SLC6A11: variants seen among roughly 807,000 people sequenced by gnomAD.
The protein encoded by SLC6A11 is solute carrier family 6 member 11.
In SLC6A11, 25 loss-of-function variants were observed where a neutral mutation model predicts 74.8. The observed-to-expected ratio is 0.33, with a 90% CI of 0.24 to 0.47. SLC6A11 has a LOEUF of 0.47. Ranked by LOEUF, SLC6A11 falls within the 20% of genes least tolerant of loss-of-function variation. SLC6A11 has a pLI of 1.00. For synonymous variants in SLC6A11, 330 were observed against 330.2 expected, an observed-to-expected ratio of 1.00 and a Z score of 0.01; for missense variants, 574 against 837.0, an observed-to-expected ratio of 0.69 and a Z score of 3.88.
chr3:10,818,136 T>G (rs1049950034), intron 1 of SLC6A11, among the ~76,000 whole-genome samples: 2 of 152,028 alleles, frequency 1.3e-5, no homozygotes, highest in Non-Finnish European at 2.9e-5. Flanking sequence ...CATTTTTTTT[T>G]TCTGACTAGC....
chr3:10,888,631 A>G (rs947856691), intron 6 of SLC6A11, among the ~76,000 whole-genome samples: 2 of 152,246 alleles, frequency 1.3e-5, no homozygotes, highest in African/African-American at 4.8e-5. Context: ...CAGTGAGAGT[A>G]CAGGGATGAA....
At chr3:10,877,702 T>C (rs1325090548) in intron 6 of SLC6A11, among the ~76,000 whole-genome samples, 1 of 152,142 alleles carries the variant, frequency 6.6e-6, no homozygotes, top group Admixed American at 6.5e-5. Flanking sequence ...ACCGTGTCAA[T>C]TAGTACCACA....
chr3:10,855,909 C>T (rs1694633813), intron 5 of SLC6A11, among the ~76,000 whole-genome samples: 1 of 152,170 alleles, frequency 6.6e-6, no homozygotes, highest in Non-Finnish European at 1.5e-5. Context: ...TTCCTCTTTG[C>T]CTATGTTGAT....
At position 10,818,277 on chromosome 3, in the gene SLC6A11, C is replaced by T. The variant is rs114659622; in HGVS notation, c.257-1188C>T. ...CATACGTTAGATTCTAGAGGTTTCA[C>T]AGGTAAATAACAGCATGTTAGGGGA... is the stretch of plus-strand genomic sequence containing the variant. On this transcript the variant is annotated intron_variant, in intron 1 of 13. Transcript: ENST00000254488. Among the ~76,000 whole-genome samples the T allele has an allele frequency of 9.1e-3, 1,378 of 152,234 alleles. 11 individuals are homozygous for T. Among genetic ancestry groups the T allele is most frequent in the Middle Eastern group, 0.017 (5 of 294 alleles).
intron 11 of SLC6A11, 124 bp from the exon 12 acceptor site, chr3:10,933,942 A>G: frequency 1.5e-6 from 1 of 666,096 alleles, no homozygotes; most frequent in Non-Finnish European, 2.7e-6. Context: ...TAAGCAGTAC[A>G]AAGATTCCTG....
At chr3:10,893,315 C>A (rs1408192228) in intron 6 of SLC6A11, among the ~76,000 whole-genome samples, 1 of 152,190 alleles carries the variant, frequency 6.6e-6, no homozygotes, top group Non-Finnish European at 1.5e-5. Flanking sequence ...ACTTGCTCCC[C>A]TTTCTCTCTT....
At chr3:10,829,192 G>A (rs1206501598) in intron 4 of SLC6A11, among the ~76,000 whole-genome samples, 1 of 152,222 alleles carries the variant, frequency 6.6e-6, no homozygotes, top group Non-Finnish European at 1.5e-5. Flanking sequence ...TATGTGAAAT[G>A]GGGTTAACCC....
intron 3 of SLC6A11, among the ~76,000 whole-genome samples, chr3:10,821,632 A>G (rs556747601): frequency 5.9e-5 from 9 of 152,354 alleles, no homozygotes; most frequent in African/African-American, 2.2e-4. Flanking sequence ...ATTTTCTGTT[A>G]TCACTTTAAA....
intron 4 of SLC6A11, chr3:10,823,667 C>T: frequency 2.8e-6 from 1 of 360,770 alleles, no homozygotes; most frequent in East Asian, 5.0e-5. Context: ...AAAGGATAGA[C>T]AGTTTAAAAA....
intron 6 of SLC6A11, among the ~76,000 whole-genome samples, chr3:10,877,068 G>A (rs1694917493): frequency 6.6e-6 from 1 of 152,088 alleles, no homozygotes; most frequent in African/African-American, 2.4e-5. Context: ...ATGAGCATAG[G>A]CTGGCAAACT....
intron 1 of SLC6A11, among the ~76,000 whole-genome samples, chr3:10,817,090 A>T (rs1694073536): frequency 6.6e-6 from 1 of 152,158 alleles, no homozygotes; most frequent in Non-Finnish European, 1.5e-5. Flanking sequence ...CAAAGGCCCT[A>T]TTTTAAACTG....
chr3:10,938,398 T>G lies in SLC6A11; in HGVS notation c.1895T>G (p.Phe632Cys). The change falls in exon 14 of 14, where the codon TTC becomes TGC. Residue 632 changes from phenylalanine to cysteine, a missense_variant. Phe to Cys is a radical substitution (Grantham distance 205). Coordinates refer to ENST00000254488, the MANE Select transcript of SLC6A11 (RefSeq NM_014229.3). ...IAAITEKETH[F>C] Reference sequence around the variant, plus strand: ...GCCATCACAGAGAAGGAGACGCACTTCTGAGCGGCCACCAGCCATCTGGGG... The same window carrying G: ...GCCATCACAGAGAAGGAGACGCACTGCTGAGCGGCCACCAGCCATCTGGGG... 1 of 1,593,484 alleles carries G rather than the reference T, an allele frequency of 6.3e-7. No homozygotes were observed. The highest frequency in any genetic ancestry group is 1.1e-5 in the South Asian group (1 of 89,636).
chr3:10,862,158 C>T (rs1328770411), intron 5 of SLC6A11, among the ~76,000 whole-genome samples: 2 of 152,144 alleles, frequency 1.3e-5, no homozygotes, highest in Non-Finnish European at 2.9e-5. Context: ...TTTAATGGTG[C>T]CCTTGGTCAC....
At chr3:10,884,686 A>G (rs1695022073) in intron 6 of SLC6A11, among the ~76,000 whole-genome samples, 2 of 152,030 alleles carry the variant, frequency 1.3e-5, no homozygotes, top group African/African-American at 4.8e-5. Context: ...GAGCATCCCA[A>G]ACCTATGTGA....
intron 5 of SLC6A11, among the ~76,000 whole-genome samples, chr3:10,860,778 G>T (rs143848102): frequency 9.2e-5 from 14 of 152,310 alleles, no homozygotes; most frequent in African/African-American, 3.4e-4. Context: ...ACACATGGAG[G>T]TTGTAGCTTG....
intron 5 of SLC6A11, among the ~76,000 whole-genome samples, chr3:10,873,719 T>TCCCGTCCC (rs1251434816): frequency 1.4e-5 from 2 of 145,374 alleles, no homozygotes; most frequent in African/African-American, 5.6e-5. Context: ...TATCCTATCC[T>TCCCGTCCC]ATCCTATCCT....
chr3:10,872,442 A>G (rs1694838701), intron 5 of SLC6A11, among the ~76,000 whole-genome samples: 1 of 152,098 alleles, frequency 6.6e-6, no homozygotes, highest in Non-Finnish European at 1.5e-5. Flanking sequence ...ATCATCCTTT[A>G]TGGGCTGACA....
At chr3:10,849,482 T>G (rs1274827658) in intron 5 of SLC6A11, among the ~76,000 whole-genome samples, 1 of 152,234 alleles carries the variant, frequency 6.6e-6, no homozygotes, top group Non-Finnish European at 1.5e-5. Context: ...TGACCAAGTC[T>G]GTTTTTGTTT....
intron 5 of SLC6A11, among the ~76,000 whole-genome samples, chr3:10,852,435 C>T (rs1376060261): frequency 6.6e-6 from 1 of 152,242 alleles, no homozygotes; most frequent in South Asian, 2.1e-4. Flanking sequence ...CCTTGAATGA[C>T]AGGGCTTCAC....
Sources: allele counts gnomAD v4.1 joint callset (sites outside exome capture counted in the v4.1 genomes callset), GRCh38; gene constraint gnomAD v4.1.1; transcripts MANE v1.5; gene names NCBI Gene and HGNC (gene_info 2026-07-23, HGNC 2026-07-21).